MATN2: variants seen among roughly 807,000 people sequenced by gnomAD.
The protein encoded by MATN2 is matrilin 2, also known as matrilin-2.
MATN2 carries 69 observed loss-of-function variants against 103.2 expected under a neutral mutation model. The ratio of observed to expected loss-of-function variants is 0.67; its 90% CI spans 0.55 to 0.82. The LOEUF is 0.82. Among genes scored for constraint, MATN2 ranks in the 40% least tolerant of loss-of-function variants. MATN2 has a pLI of 0.00. For missense variants in MATN2, 1,023 were observed against 1,211.5 expected (o/e 0.84, Z 2.31); for synonymous variants, 429 against 450.2 (o/e 0.95, Z 0.60).
chr8:97,935,945 C>A (rs563115496), intron 3 of MATN2, among the ~76,000 whole-genome samples: 9 of 152,198 alleles, frequency 5.9e-5, no homozygotes, highest in Non-Finnish European at 2.9e-5. Flanking sequence ...AGCCAGACCT[C>A]GCTGGGTGAG....
intron 2 of MATN2, among the ~76,000 whole-genome samples, chr8:97,916,458 G>T (rs1809633524): frequency 6.6e-6 from 1 of 152,142 alleles, no homozygotes. Flanking sequence ...TGTCACAGGG[G>T]CTGGTTGTAC....
chr8:97,921,769 G>A (rs763885611), intron 2 of MATN2, among the ~76,000 whole-genome samples: 16 of 152,136 alleles, frequency 1.1e-4, no homozygotes, highest in Non-Finnish European at 1.6e-4. Context: ...TCGCACGGTC[G>A]TCTTTGCTCT....
At chr8:98,003,500 C>T in intron 7 of MATN2, 161 bp from the exon 8 acceptor site, 2 of 702,066 alleles carry the variant, frequency 2.8e-6, no homozygotes, top group Admixed American at 2.8e-5. Flanking sequence ...AGGCCTGGCA[C>T]TTGGCTGGCA....
intron 4 of MATN2, chr8:97,950,831 A>C (rs868031763): frequency 6.6e-6 from 1 of 152,358 alleles, no homozygotes; most frequent in Middle Eastern, 3.2e-3. Flanking sequence ...CGTCCAAGAG[A>C]GAGCCCACAC....
intron 3 of MATN2, among the ~76,000 whole-genome samples, chr8:97,938,878 TTTTG>T (rs762296121): frequency 2.0e-5 from 3 of 152,174 alleles, no homozygotes; most frequent in South Asian, 2.1e-4. Flanking sequence ...ACATCTTATT[TTTTG>T]TTTGTTTGTT....
At chr8:97,898,683 A>G (rs1398147823) in intron 2 of MATN2, among the ~76,000 whole-genome samples, 1 of 152,036 alleles carries the variant, frequency 6.6e-6, no homozygotes, top group Non-Finnish European at 1.5e-5. Context: ...CTCTGCATGT[A>G]CTATTATCCC....
chr8:97,912,799 G>C (rs1230106182), intron 2 of MATN2, among the ~76,000 whole-genome samples: 1 of 152,210 alleles, frequency 6.6e-6, no homozygotes, highest in African/African-American at 2.4e-5. Flanking sequence ...TGATACGTGA[G>C]TGAGGCATCA....
intron 2 of MATN2, among the ~76,000 whole-genome samples, chr8:97,901,766 G>A (rs1362327647): frequency 6.6e-6 from 1 of 152,178 alleles, no homozygotes; most frequent in Non-Finnish European, 1.5e-5. Context: ...CATAGGATCA[G>A]CAAAATAAGT....
chr8:97,942,009 A>G lies in MATN2; in HGVS notation c.835+110A>G, dbSNP rs1810584838. On this transcript the variant is annotated intron_variant, in intron 4 of 18. Coordinates refer to ENST00000254898, the MANE Select transcript of MATN2 (RefSeq NM_002380.5). ...CTGTGATGCCTCACCCACCCCAGTT[A>G]TCATCCCTTGGGGACAGAAATAAAG... The G allele has an allele frequency of 5.2e-6, 7 of 1,352,802 alleles. No individual in the cohort carries two copies. The East Asian group carries it at 1.8e-4, about 34-fold the overall frequency. 83.8% of individuals were successfully genotyped at this position (1,352,802 alleles called of 1,614,324 possible).
At chr8:97,912,042 G>A (rs1384336534) in intron 2 of MATN2, among the ~76,000 whole-genome samples, 1 of 152,218 alleles carries the variant, frequency 6.6e-6, no homozygotes, top group East Asian at 1.9e-4. Context: ...TGCCCAGGGT[G>A]GAGAATGAGT....
At position 97,931,799 on chromosome 8, in the gene MATN2, C is replaced by G. The variant is rs919172991; in HGVS notation, c.712+277C>G. ...CTCACTGTAACCTCAAACTCCTGGG[C>G]TTAGGTGATCCTCTTGCCTTAGCCT... On this transcript the variant is annotated intron_variant, in intron 3 of 18. Transcript: ENST00000254898. This position sits in a 1 kb window ranked among gnomAD's most constrained non-coding sequence, Gnocchi z 4.1. 1.3e-5 allele frequency among the ~76,000 whole-genome samples: 2 copies of G among 152,150 alleles called. No homozygotes were observed. The highest frequency in any genetic ancestry group is 4.8e-5 in the African/African-American group (2 of 41,426).
chr8:97,999,320 G>T (rs188833864), intron 7 of MATN2, among the ~76,000 whole-genome samples: 7 of 152,290 alleles, frequency 4.6e-5, no homozygotes, highest in Admixed American at 6.5e-5. Context: ...ACCCAGAAAT[G>T]GAATTGCTGG....
Position 98,007,373 on chromosome 8 carries a change from T to A in MATN2, c.1451-106T>A. 1 of 1,553,488 alleles carries A rather than the reference T, an allele frequency of 6.4e-7. No individual in the cohort carries two copies. Among genetic ancestry groups the A allele is most frequent in the South Asian group, 1.2e-5 (1 of 83,832 alleles). On this transcript the variant is annotated intron_variant, in intron 9 of 18. Transcript: ENST00000254898. The surrounding 1 kb of genome is among the most constrained non-coding windows in gnomAD (Gnocchi z 4.2). ...AGATAGTGAGGATGTCCACTGGGAC[T>A]GCATGCCTTCGAGGGAGGGCGGGGT...
chr8:97,886,571 A>T (rs61681434), intron 1 of MATN2, among the ~76,000 whole-genome samples: 5,031 of 152,330 alleles, frequency 0.033, 171 homozygotes, highest in African/African-American at 0.086. Context: ...TTTTTAATAT[A>T]ATCTTAATGC....
At chr8:98,020,998 C>T in intron 12 of MATN2, 1 of 459,830 alleles carries the variant, frequency 2.2e-6, no homozygotes, top group Non-Finnish European at 4.0e-6. Context: ...CCCATCGTAC[C>T]ATTCAGACTC....
intron 1 of MATN2, among the ~76,000 whole-genome samples, chr8:97,882,974 A>G (rs1274034418): frequency 6.6e-6 from 1 of 151,984 alleles, no homozygotes; most frequent in Non-Finnish European, 1.5e-5. Flanking sequence ...CACATTCTGA[A>G]GTGGGTTTAT....
chr8:98,002,081 A>G (rs1812807981), intron 7 of MATN2, among the ~76,000 whole-genome samples: 1 of 152,206 alleles, frequency 6.6e-6, no homozygotes, highest in Non-Finnish European at 1.5e-5. Flanking sequence ...CCAGTCTCAT[A>G]AAGCCTCTCC....
Position 98,035,785 on chromosome 8 carries a change from C to G in MATN2, c.*73C>G. 1.1e-6 allele frequency: 1 copy of G among 893,062 alleles called. No individual in the cohort carries two copies. Among genetic ancestry groups the G allele is most frequent in the African/African-American group, 1.7e-5 (1 of 59,288 alleles). The allele number at this position is 893,062 out of a possible 1,614,324, so 55.3% of individuals were successfully genotyped here. ...ATGAACGCAGTGCAGAGCCCCAAAG[C>G]TCAGGCTATTGTTAAATCAATAATG... is the stretch of plus-strand genomic sequence containing the variant. On this transcript the variant is annotated 3_prime_UTR_variant, in exon 19 of 19. Coordinates refer to ENST00000254898, the MANE Select transcript of MATN2 (RefSeq NM_002380.5).
In MATN2 at chr8:98,032,083, T is replaced by C. The variant is rs1053951030; in HGVS notation, c.2510-163T>C. 6.8e-6 allele frequency: 4 copies of C among 590,652 alleles called. No homozygotes were observed. In the African/African-American group the frequency reaches 7.5e-5, roughly 11 times the overall value. The allele number at this position is 590,652 out of a possible 1,614,324, so 36.6% of individuals were successfully genotyped here. On this transcript the variant is annotated intron_variant, in intron 15 of 18. Coordinates refer to ENST00000254898, the MANE Select transcript of MATN2 (RefSeq NM_002380.5). Reference sequence around the variant, plus strand: ...TGCCCTAGAGTGGTCATAAGTATCATGGTAACCAACTGCTTTTTTGAATCT... The same window carrying C: ...TGCCCTAGAGTGGTCATAAGTATCACGGTAACCAACTGCTTTTTTGAATCT...
Sources: allele counts gnomAD v4.1 joint callset (sites outside exome capture counted in the v4.1 genomes callset), GRCh38; gene constraint gnomAD v4.1.1; non-coding constraint Gnocchi (gnomAD v3.1); transcripts MANE v1.5; gene names NCBI Gene and HGNC (gene_info 2026-07-23, HGNC 2026-07-21).